ANKRD17: variants seen among roughly 807,000 people sequenced by gnomAD.
ANKRD17 encodes ankyrin repeat domain 17.
In ANKRD17, 19 loss-of-function variants were observed where a neutral mutation model predicts 229.7. The observed-to-expected ratio is 0.08, with a 90% CI of 0.06 to 0.12. The LOEUF is 0.12. Among genes scored for constraint, ANKRD17 ranks in the 10% least tolerant of loss-of-function variants. ANKRD17 has a pLI of 1.00. For missense variants in ANKRD17, 2,176 were observed against 3,176.8 expected, an observed-to-expected ratio of 0.68 and a Z score of 7.57; for synonymous variants, 1,112 against 1,146.1, an observed-to-expected ratio of 0.97 and a Z score of 0.60.
At chr4:73,245,419 G>A (rs2149269687) in intron 1 of ANKRD17, among the ~76,000 whole-genome samples, 1 of 152,284 alleles carries the variant, frequency 6.6e-6, no homozygotes, top group East Asian at 1.9e-4. Flanking sequence ...AAAGAGATCA[G>A]GTTCTTCCGA....
In ANKRD17 at chr4:73,078,805, G is replaced by C. The variant is rs1315944586; in HGVS notation, c.7245C>G (p.Ser2415Arg). 1 of 1,614,112 alleles carries C rather than the reference G, an allele frequency of 6.2e-7. No homozygotes were observed. Among genetic ancestry groups the C allele is most frequent in the East Asian group, 2.2e-5 (1 of 44,862 alleles). The part of the protein sequence containing the change: ...SSVPLGSEKP[S>R]NVSQDRKVPV... ...GAACTTTCCTGTCCTGAGACACATT[G>C]CTGGGCTTTTCTGACCCTAACGGTA... Residue 2415 changes from serine (S) to arginine (R), a missense_variant, in exon 31 of 34, where the codon AGC becomes AGG. Around this residue, in one of 18 missense-constraint regions of ANKRD17, gnomAD observed 87 missense variants for 116.0 expected, o/e 0.75. Coordinates refer to ENST00000358602, the MANE Select transcript of ANKRD17 (RefSeq NM_032217.5).
Position 73,230,811 on chromosome 4 carries a change from T to C in ANKRD17, c.393+27465A>G, listed in dbSNP as rs575351174. ...CCTCTTTTCACATCCCCAGTAATAG[T>C]TGTGTCTGTTGGACACTCGCATTTG... On this transcript the variant is annotated intron_variant, in intron 1 of 33. Coordinates refer to ENST00000358602, the MANE Select transcript of ANKRD17 (RefSeq NM_032217.5). Among the ~76,000 whole-genome samples, 12 of 152,340 alleles carry C rather than the reference T, an allele frequency of 7.9e-5. No homozygotes were observed. The South Asian group carries it at 1.2e-3, about 16-fold the overall frequency.
chr4:73,096,967 G>A lies in ANKRD17; in HGVS notation c.5177+150C>T, dbSNP rs1560511141. The A allele has an allele frequency of 7.0e-6, 6 of 852,448 alleles. No homozygotes were observed. The African/African-American group carries it at 8.9e-5, about 13-fold the overall frequency. The allele number at this position is 852,448 out of a possible 1,614,324, so 52.8% of individuals were successfully genotyped here. ...ACGTAATTTTTTTCATCTAAAATAT[G>A]GCACAGGCTCTCTCTGTTGGTCAAA... is the stretch of plus-strand genomic sequence containing the variant. On this transcript the variant is annotated intron_variant, in intron 27 of 33. Coordinates refer to ENST00000358602, the MANE Select transcript of ANKRD17 (RefSeq NM_032217.5).
At chr4:73,130,490 A>G (rs1184347004) in intron 16 of ANKRD17, among the ~76,000 whole-genome samples, 1 of 152,176 alleles carries the variant, frequency 6.6e-6, no homozygotes, top group Non-Finnish European at 1.5e-5. Context: ...ATAATTTTAC[A>G]TACTTAACAA....
chr4:73,155,185 C>T (rs949419684), intron 5 of ANKRD17, among the ~76,000 whole-genome samples: 9 of 151,974 alleles, frequency 5.9e-5, no homozygotes, highest in Non-Finnish European at 1.3e-4. Flanking sequence ...TAAAGTTATG[C>T]TCTTCTTCAG....
intron 1 of ANKRD17, among the ~76,000 whole-genome samples, chr4:73,214,301 T>C (rs1740709735): frequency 6.6e-6 from 1 of 152,182 alleles, no homozygotes; most frequent in Non-Finnish European, 1.5e-5. Context: ...AAAGAATACA[T>C]TTGAATCAAG....
intron 1 of ANKRD17, among the ~76,000 whole-genome samples, chr4:73,181,532 A>T (rs1271637802): frequency 6.6e-6 from 1 of 152,332 alleles, no homozygotes; most frequent in South Asian, 2.1e-4. Flanking sequence ...GCAATCTTAT[A>T]AACATACAAA....
intron 6 of ANKRD17, among the ~76,000 whole-genome samples, chr4:73,151,924 G>A (rs1023809515): frequency 6.6e-6 from 1 of 152,136 alleles, no homozygotes; most frequent in African/African-American, 2.4e-5. Flanking sequence ...GTGAGAAAAT[G>A]TATTTAAAGT....
intron 1 of ANKRD17, among the ~76,000 whole-genome samples, chr4:73,229,608 A>T (rs1410497384): frequency 2.8e-5 from 4 of 142,266 alleles, no homozygotes; most frequent in Non-Finnish European, 4.7e-5. Context: ...TTGATTATTT[A>T]AAAAAAAAAA....
chr4:73,178,965 T>C (rs1265651328), intron 1 of ANKRD17, among the ~76,000 whole-genome samples: 1 of 151,952 alleles, frequency 6.6e-6, no homozygotes, highest in East Asian at 1.9e-4. Context: ...AAAATAGATG[T>C]AAAAATAACT....
chr4:73,204,587 A>AAT (rs1230681812), intron 1 of ANKRD17, among the ~76,000 whole-genome samples: 3 of 152,172 alleles, frequency 2.0e-5, no homozygotes, highest in Middle Eastern at 3.4e-3. Context: ...GATCCACCCA[A>AAT]AGTAATAAAG....
intron 1 of ANKRD17, among the ~76,000 whole-genome samples, chr4:73,230,355 C>T (rs1252237970): frequency 1.3e-5 from 2 of 151,838 alleles, no homozygotes; most frequent in African/African-American, 2.4e-5. Flanking sequence ...TTTCTCAAGG[C>T]TCATACTATA....
chr4:73,191,627 T>C (rs1308869156), intron 1 of ANKRD17, among the ~76,000 whole-genome samples: 1 of 151,704 alleles, frequency 6.6e-6, no homozygotes, highest in Non-Finnish European at 1.5e-5. Flanking sequence ...AAATATAATG[T>C]ACATATTAAA....
chr4:73,141,693 T>A, intron 14 of ANKRD17, 48 bp downstream of exon 14: 1 of 1,544,958 alleles, frequency 6.5e-7, no homozygotes, highest in Non-Finnish European at 8.9e-7. Context: ...GTAATCTTAT[T>A]TTTACCTGGA....
Position 73,091,630 on chromosome 4 carries a change from C to A in ANKRD17, c.5998G>T (p.Val2000Phe). 1 of 1,614,136 alleles carries A rather than the reference C, an allele frequency of 6.2e-7. No homozygotes were observed. Among genetic ancestry groups the A allele is most frequent in the Non-Finnish European group, 8.5e-7 (1 of 1,180,028 alleles). Residue 2000 changes from valine to phenylalanine, a missense_variant, in exon 29 of 34, where the codon GTC (valine) becomes TTC (phenylalanine). Physicochemically the swap from Val to Phe is conservative, Grantham distance 50. Around this residue, in one of 18 missense-constraint regions of ANKRD17, gnomAD observed 424 missense variants for 454.0 expected, o/e 0.93. Transcript: ENST00000358602. Reference protein sequence around the residue: ...SSPSVRRQLFVTVVKTSNATT... With the variant: ...SSPSVRRQLFFTVVKTSNATT... ...GCATTGGATGTCTTCACAACTGTGA[C>A]AAAAAGCTGCCTTCGGACAGAAGGT... is the stretch of plus-strand genomic sequence containing the variant.
chr4:73,132,502 C>T (rs760933160), intron 16 of ANKRD17, among the ~76,000 whole-genome samples: 1 of 152,034 alleles, frequency 6.6e-6, no homozygotes, highest in African/African-American at 2.4e-5. Flanking sequence ...AAGGTAGGAA[C>T]TTTTTAATCT....
At chr4:73,185,485 G>T (rs549704288) in intron 1 of ANKRD17, among the ~76,000 whole-genome samples, 72 of 151,858 alleles carry the variant, frequency 4.7e-4, no homozygotes, top group Non-Finnish European at 9.4e-4. Flanking sequence ...GTTATCTTCA[G>T]TCAAAAATTT....
intron 13 of ANKRD17, 134 bp from the exon 14 acceptor site, chr4:73,141,977 TA>T: frequency 1.2e-6 from 1 of 863,784 alleles, no homozygotes; most frequent in Non-Finnish European, 1.7e-6. Flanking sequence ...CATATTTACT[TA>T]AAATATGTTG....
At position 73,099,807 on chromosome 4, in the gene ANKRD17, C is replaced by T. The variant is rs754116617; in HGVS notation, c.4574-1287G>A. ...CAGGAGGGGTGTGAGCCTCTTACTT[C>T]CTCTTCACTGTGGCCCCAGCCCCGT... On this transcript the variant is annotated intron_variant, in intron 25 of 33. Transcript: ENST00000358602. 2.0e-5 allele frequency among the ~76,000 whole-genome samples: 3 copies of T among 152,214 alleles called. No individual in the cohort carries two copies. The South Asian group carries it at 6.2e-4, about 31-fold the overall frequency.
Sources: gnomAD v4.1 joint callset for allele counts (sites outside exome capture counted in the v4.1 genomes callset) on GRCh38, gnomAD v4.1.1 for gene constraint, gnomAD v4.1.1 regional missense constraint, MANE v1.5 for transcripts, NCBI Gene and HGNC (gene_info 2026-07-23, HGNC 2026-07-21) for gene names.